DLG2: variants seen among roughly 807,000 people sequenced by gnomAD.
DLG2 encodes the protein disks large homolog 2.
A neutral mutation model predicts 132.5 loss-of-function variants in DLG2; 45 were observed. That is an observed-to-expected ratio of 0.34 (90% CI 0.27 to 0.44). DLG2 has a LOEUF of 0.44. Among genes scored for constraint, DLG2 ranks in the 20% least tolerant of loss-of-function variants. DLG2 has a pLI of 1.00. For missense variants in DLG2, 1,045 were observed against 1,196.9 expected, an observed-to-expected ratio of 0.87 and a Z score of 1.87; for synonymous variants, 424 against 419.6, an observed-to-expected ratio of 1.01 and a Z score of -0.13.
intron 6 of DLG2, among the ~76,000 whole-genome samples, chr11:84,656,563 C>A (rs1428536033): frequency 2.6e-5 from 4 of 152,128 alleles, no homozygotes; most frequent in Non-Finnish European, 4.4e-5. Context: ...TATTCTGCAA[C>A]TATGTTTGGG....
At chr11:85,574,262 A>T (rs1470430287) in intron 3 of DLG2, among the ~76,000 whole-genome samples, 8 of 151,968 alleles carry the variant, frequency 5.3e-5, no homozygotes. Flanking sequence ...CTTTTCTCCC[A>T]AATTTAAATT....
chr11:84,462,510 T>A (rs937720369), intron 7 of DLG2, among the ~76,000 whole-genome samples: 3 of 151,132 alleles, frequency 2.0e-5, no homozygotes, highest in Admixed American at 6.6e-5. Flanking sequence ...ACTAAAATAC[T>A]TGTCCAAAAA....
At chr11:85,118,241 G>A (rs1258361662) in intron 5 of DLG2, among the ~76,000 whole-genome samples, 1 of 152,020 alleles carries the variant, frequency 6.6e-6, no homozygotes, top group Non-Finnish European at 1.5e-5. Flanking sequence ...TGCCTCTTTT[G>A]TAAATGAAGA....
chr11:84,923,492 G>T (rs1893051), intron 6 of DLG2: 9 of 1,026,190 alleles, frequency 8.8e-6, no homozygotes, highest in Non-Finnish European at 1.1e-5. Flanking sequence ...GAAAGGTGAA[G>T]AATTGAAATT....
chr11:85,216,809 C>A (rs2082638623), intron 4 of DLG2, among the ~76,000 whole-genome samples: 1 of 151,992 alleles, frequency 6.6e-6, no homozygotes, highest in Non-Finnish European at 1.5e-5. Flanking sequence ...CAATTCTCTG[C>A]CTCAGCCTCC....
At chr11:83,810,572 A>C (rs1396453173) in intron 17 of DLG2, among the ~76,000 whole-genome samples, 2 of 152,032 alleles carry the variant, frequency 1.3e-5, no homozygotes, top group African/African-American at 2.4e-5. Flanking sequence ...TTATTAAATA[A>C]ACAACAAACA....
intron 8 of DLG2, among the ~76,000 whole-genome samples, chr11:84,244,650 G>A (rs1253142421): frequency 6.6e-6 from 1 of 152,144 alleles, no homozygotes; most frequent in Non-Finnish European, 1.5e-5. Context: ...AAATAAAGCT[G>A]TTTCCTGGTA....
At chr11:85,357,409 G>A (rs1377004819) in intron 3 of DLG2, among the ~76,000 whole-genome samples, 1 of 150,114 alleles carries the variant, frequency 6.7e-6, no homozygotes, top group Non-Finnish European at 1.5e-5. Flanking sequence ...AGCCAGGATG[G>A]TCTCAATCTC....
chr11:83,506,018 A>G (rs973296131), intron 21 of DLG2, among the ~76,000 whole-genome samples: 11 of 152,126 alleles, frequency 7.2e-5, no homozygotes, highest in African/African-American at 2.7e-4. Context: ...CTTGAGACCA[A>G]TCATGTATAT....
intron 18 of DLG2, among the ~76,000 whole-genome samples, chr11:83,683,398 C>T (rs1008907888): frequency 1.1e-4 from 16 of 152,092 alleles, no homozygotes; most frequent in African/African-American, 3.1e-4. Flanking sequence ...ATGGACTCCA[C>T]GCAATTTAGT....
chr11:84,674,251 T>C (rs2099709023), intron 6 of DLG2, among the ~76,000 whole-genome samples: 1 of 152,134 alleles, frequency 6.6e-6, no homozygotes, highest in South Asian at 2.1e-4. Flanking sequence ...TCCAGGTTGA[T>C]GTTTAATTGG....
chr11:85,213,710 C>T (rs2082395884), intron 4 of DLG2, among the ~76,000 whole-genome samples: 1 of 152,094 alleles, frequency 6.6e-6, no homozygotes, highest in African/African-American at 2.4e-5. Context: ...TTCTGAACTA[C>T]CAGTTGATTT....
intron 19 of DLG2, among the ~76,000 whole-genome samples, chr11:83,561,023 A>G (rs7933794): frequency 0.028 from 4,278 of 152,264 alleles, 224 homozygotes; most frequent in African/African-American, 0.097. Context: ...TGGCAGAAGG[A>G]GAATGGGAAG....
chr11:84,478,065 A>G (rs951958079), intron 7 of DLG2, among the ~76,000 whole-genome samples: 6 of 152,190 alleles, frequency 3.9e-5, no homozygotes, highest in African/African-American at 1.4e-4. Context: ...CAAAGATAAG[A>G]CAAGAGCTCA....
chr11:83,752,226 C>T (rs1263173085), intron 18 of DLG2, among the ~76,000 whole-genome samples: 4 of 151,694 alleles, frequency 2.6e-5, no homozygotes, highest in African/African-American at 7.3e-5. Flanking sequence ...TGAGATGGTG[C>T]CACTGCACTC....
chr11:84,405,636 A>C (rs753815681), intron 7 of DLG2, among the ~76,000 whole-genome samples: 10 of 152,210 alleles, frequency 6.6e-5, no homozygotes, highest in Non-Finnish European at 1.2e-4. Context: ...TTTGCCCCTC[A>C]GAGGTACATT....
chr11:84,243,819 T>C (rs2097266587), intron 8 of DLG2, among the ~76,000 whole-genome samples: 1 of 152,236 alleles, frequency 6.6e-6, no homozygotes, highest in Non-Finnish European at 1.5e-5. Context: ...AGAAATGTTT[T>C]ATTTTATCAT....
chr11:85,063,991 A>T (rs1198417209), intron 6 of DLG2, among the ~76,000 whole-genome samples: 1 of 151,864 alleles, frequency 6.6e-6, no homozygotes, highest in Non-Finnish European at 1.5e-5. Context: ...TAGTTGAGAA[A>T]AAAGGGAAAA....
At chr11:84,199,638 T>A (rs951668378) in intron 8 of DLG2, among the ~76,000 whole-genome samples, 103 of 152,050 alleles carry the variant, frequency 6.8e-4, no homozygotes, top group African/African-American at 2.3e-3. Context: ...ATTGTAGATA[T>A]GAAAAATACA....
Sources: gnomAD v4.1 joint callset for allele counts (sites outside exome capture counted in the v4.1 genomes callset) on GRCh38, gnomAD v4.1.1 for gene constraint, MANE v1.5 for transcripts, NCBI Gene and HGNC (gene_info 2026-07-23, HGNC 2026-07-21) for gene names.